The following GLE1 variants were observed in gnomAD, a reference collection of about 807,000 sequenced individuals.
The protein encoded by GLE1 is GLE1 RNA export mediator.
A neutral mutation model predicts 97.3 loss-of-function variants in GLE1; 78 were observed. The ratio of observed to expected loss-of-function variants is 0.80; its 90% CI spans 0.67 to 0.97. GLE1 has a LOEUF of 0.97. Ranked by LOEUF, GLE1 falls within the 50% of genes least tolerant of loss-of-function variation. GLE1 has a pLI of 0.00. For synonymous variants in GLE1, 302 were observed against 313.4 expected (o/e 0.96, Z 0.39); for missense variants, 753 against 857.5 (o/e 0.88, Z 1.52).
chr9:128,539,762 A>C (rs1847832896), intron 14 of GLE1, 64 bp downstream of exon 14: 1 of 1,613,218 alleles, frequency 6.2e-7, no homozygotes, highest in Admixed American at 1.7e-5. Context: ...TCAGATACCC[A>C]AGGGTGCTAT....
At chr9:128,540,646 C>T in intron 15 of GLE1, 1 of 405,744 alleles carries the variant, frequency 2.5e-6, no homozygotes, top group Non-Finnish European at 4.5e-6. Flanking sequence ...TTCTTAGTCT[C>T]AGGTCTGGGG....
chr9:128,533,877 A>G lies in GLE1; in HGVS notation c.1572A>G (p.Leu524=), dbSNP rs762704516. ...PRVGDLILAH[L]HKKCPYSVPF... ...TGGGGGACCTCATTCTTGCTCATCT[A>G]CATAAGAAGTGTCCTTACTCTGTTC... Residue 524 remains leucine (L), a synonymous_variant, in exon 11 of 16, where the codon CTA becomes CTG. Coordinates refer to ENST00000309971, the MANE Select transcript of GLE1 (RefSeq NM_001003722.2). 193 of 1,613,038 alleles carry G rather than the reference A, an allele frequency of 1.2e-4. No individual in the cohort carries two copies. The highest frequency in any genetic ancestry group is 1.6e-4 in the Non-Finnish European group (186 of 1,179,174).
chr9:128,531,787 G>A (rs1589067344), intron 9 of GLE1, among the ~76,000 whole-genome samples: 2 of 130,650 alleles, frequency 1.5e-5, no homozygotes, highest in African/African-American at 3.0e-5. Flanking sequence ...AGGTGACATC[G>A]AACCACTGCA....
intron 3 of GLE1, among the ~76,000 whole-genome samples, chr9:128,516,407 C>T (rs1288454774): frequency 6.6e-6 from 1 of 152,162 alleles, no homozygotes; most frequent in Admixed American, 6.6e-5. Context: ...GCAAGCTCCG[C>T]CTCCCAGGTT....
In GLE1 at chr9:128,521,612, A is replaced by G. The variant is rs375726090; in HGVS notation, c.433-1056A>G. Reference sequence around the variant, plus strand: ...CATAATGTCTTAACAGTAGATTTTGACATATCTCCATGCTAGCTGGCATCT... The same window carrying G: ...CATAATGTCTTAACAGTAGATTTTGGCATATCTCCATGCTAGCTGGCATCT... On this transcript the variant is annotated intron_variant, in intron 3 of 15. Coordinates refer to ENST00000309971, the MANE Select transcript of GLE1 (RefSeq NM_001003722.2). Among the ~76,000 whole-genome samples the G allele has an allele frequency of 3.0e-4, 45 of 152,362 alleles. No individual in the cohort carries two copies. In the East Asian group the frequency reaches 4.4e-3, roughly 15 times the overall value.
At chr9:128,510,220 G>A (rs564178079) in intron 2 of GLE1, among the ~76,000 whole-genome samples, 14 of 150,894 alleles carry the variant, frequency 9.3e-5, no homozygotes, top group African/African-American at 3.4e-4. Flanking sequence ...ACCATACTTG[G>A]CTATTTTCTT....
rs761305007 is a variant in GLE1 at position 128,533,802 on chromosome 9, A to G, written c.1497A>G (p.Ala499=). ...EEEVASHHEA[A]FPIAVVASGI... ...AAGTGGCCTCTCACCATGAAGCAGC[A>G]TTCCCCATTGCAGTTGTGGCATCCG... Residue 499 remains alanine, a synonymous_variant, in exon 11 of 16, where the codon GCA becomes GCG. Transcript: ENST00000309971. 5 of 1,614,168 alleles carry G rather than the reference A, an allele frequency of 3.1e-6. No individual in the cohort carries two copies. Among genetic ancestry groups the G allele is most frequent in the African/African-American group, 1.3e-5 (1 of 75,052 alleles).
At chr9:128,532,670 C>T (rs1352365957) in intron 9 of GLE1, 5 of 963,066 alleles carry the variant, frequency 5.2e-6, no homozygotes, top group Admixed American at 1.2e-4. Context: ...TATAGATTGC[C>T]GTTCTTTGGT....
intron 9 of GLE1, among the ~76,000 whole-genome samples, chr9:128,530,773 G>A (rs543762178): frequency 9.7e-4 from 148 of 151,984 alleles, no homozygotes; most frequent in Non-Finnish European, 2.8e-4. Flanking sequence ...GCTGGGCGTG[G>A]TGGCAGGCAC....
At chr9:128,534,871 ACCACGCC>A (rs1332641477) in intron 11 of GLE1, among the ~76,000 whole-genome samples, 7 of 151,492 alleles carry the variant, frequency 4.6e-5, no homozygotes, top group Non-Finnish European at 1.0e-4. Flanking sequence ...GGCGCCCACC[ACCACGCC>A]CAGCTAATTT....
intron 6 of GLE1, among the ~76,000 whole-genome samples, 173 bp downstream of exon 6, chr9:128,524,019 T>C (rs988777386): frequency 6.6e-6 from 1 of 151,962 alleles, no homozygotes; most frequent in Non-Finnish European, 1.5e-5. Flanking sequence ...GTTAACATTT[T>C]ATTTTGTTTC....
chr9:128,525,134 A>G (rs1564151335), intron 6 of GLE1, 58 bp from the exon 7 acceptor site: 17 of 1,220,132 alleles, frequency 1.4e-5, no homozygotes, highest in South Asian at 1.3e-4. Flanking sequence ...ATTGACTTGT[A>G]TGAGGTATGA....
Position 128,536,493 on chromosome 9 carries a change from A to C in GLE1, c.1776+9A>C. The C allele has an allele frequency of 6.2e-7, 1 of 1,611,776 alleles. No individual in the cohort carries two copies. Among genetic ancestry groups the C allele is most frequent in the Non-Finnish European group, 8.5e-7 (1 of 1,178,038 alleles). The stretch of plus-strand genomic sequence containing the variant: ...ATGGAAACCGACAGGAGGTAGGTAA[A>C]AGAGGCTTACTGTCAATAATGAGAG... On this transcript the variant is annotated intron_variant, in intron 12 of 15. Coordinates refer to ENST00000309971, the MANE Select transcript of GLE1 (RefSeq NM_001003722.2).
intron 1 of GLE1, among the ~76,000 whole-genome samples, chr9:128,505,765 T>C (rs541490014): frequency 6.6e-6 from 1 of 152,374 alleles, no homozygotes; most frequent in African/African-American, 2.4e-5. Context: ...ATTCGTCATT[T>C]TTCCCTTAGT....
At chr9:128,517,222 A>G (rs1409577578) in intron 3 of GLE1, among the ~76,000 whole-genome samples, 1 of 151,988 alleles carries the variant, frequency 6.6e-6, no homozygotes, top group African/African-American at 2.4e-5. Flanking sequence ...CCCGGGAGGC[A>G]GAGGTGGCAG....
intron 2 of GLE1, among the ~76,000 whole-genome samples, chr9:128,509,651 C>CAA (rs200898903): frequency 0.047 from 5,881 of 125,912 alleles, 414 homozygotes; most frequent in African/African-American, 0.15. Context: ...CTCCTAAACG[C>CAA]AAAAAAAAAA....
At chr9:128,520,570 G>A (rs1200649127) in intron 3 of GLE1, among the ~76,000 whole-genome samples, 2 of 151,740 alleles carry the variant, frequency 1.3e-5, no homozygotes, top group Admixed American at 6.6e-5. Flanking sequence ...CGGTAGCTCC[G>A]TTTTCAGCCT....
intron 1 of GLE1, 151 bp downstream of exon 1, chr9:128,505,055 T>C: frequency 1.5e-6 from 1 of 660,704 alleles, no homozygotes; most frequent in East Asian, 2.7e-5. Context: ...CCCTCTGTCC[T>C]GGGGTTTCTG....
chr9:128,528,387 T>A (rs377694667), intron 9 of GLE1, among the ~76,000 whole-genome samples: 1 of 149,496 alleles, frequency 6.7e-6, no homozygotes, highest in African/African-American at 2.5e-5. Context: ...CACTGCAAGC[T>A]CTGCCTCCCG....
Sources: gnomAD v4.1 joint callset for allele counts (sites outside exome capture counted in the v4.1 genomes callset) on GRCh38, gnomAD v4.1.1 for gene constraint, MANE v1.5 for transcripts, NCBI Gene and HGNC (gene_info 2026-07-23, HGNC 2026-07-21) for gene names.